Variants in UNC5D observed in about 807,000 individuals in gnomAD.
UNC5D encodes the protein unc-5 netrin receptor D.
UNC5D carries 39 observed loss-of-function variants against 105.4 expected under a neutral mutation model. The ratio of observed to expected loss-of-function variants is 0.37; its 90% CI spans 0.29 to 0.48. The LOEUF (loss-of-function observed/expected upper bound fraction) is 0.48. Among genes scored for constraint, UNC5D ranks in the 20% least tolerant of loss-of-function variants. The probability of loss-of-function intolerance (pLI) is 0.98; values close to 1 mark genes in which losing one functional copy is unlikely to be tolerated. For synonymous variants in UNC5D, 452 were observed against 450.4 expected, an observed-to-expected ratio of 1.00 and a Z score of -0.04; for missense variants, 991 against 1,202.4, an observed-to-expected ratio of 0.82 and a Z score of 2.60.
chr8:35,580,518 CAGG>C (rs1818413065), intron 3 of UNC5D, among the ~76,000 whole-genome samples: 1 of 151,346 alleles, frequency 6.6e-6, no homozygotes, highest in Admixed American at 6.6e-5. Flanking sequence ...GGGGTGAACA[CAGG>C]AGAAGAATCC....
intron 1 of UNC5D, among the ~76,000 whole-genome samples, chr8:35,402,674 C>T (rs1804548835): frequency 6.6e-6 from 1 of 152,140 alleles, no homozygotes; most frequent in Non-Finnish European, 1.5e-5. Flanking sequence ...GGCTTCTCAT[C>T]CTGGCCTCCA....
At chr8:35,537,006 A>AAAAC (rs112777945) in intron 1 of UNC5D, among the ~76,000 whole-genome samples, 21,798 of 151,970 alleles carry the variant, frequency 0.14, 1,938 homozygotes, top group East Asian at 0.27. Context: ...TAAACAAAAC[A>AAAAC]AAACAAACAA....
At chr8:35,253,474 T>A (rs1285663625) in intron 1 of UNC5D, among the ~76,000 whole-genome samples, 1 of 25,488 alleles carries the variant, frequency 3.9e-5, no homozygotes, top group Non-Finnish European at 2.3e-4. Context: ...TTTTATTTCC[T>A]TTTTTTTTTT....
chr8:35,347,125 C>T (rs1811859777), intron 1 of UNC5D, among the ~76,000 whole-genome samples: 1 of 151,960 alleles, frequency 6.6e-6, no homozygotes. Context: ...TGGAAAATGG[C>T]CTTTGAGTCT....
At chr8:35,295,904 T>C (rs887751756) in intron 1 of UNC5D, among the ~76,000 whole-genome samples, 1 of 152,212 alleles carries the variant, frequency 6.6e-6, no homozygotes, top group Non-Finnish European at 1.5e-5. Flanking sequence ...AGATTCTACA[T>C]GTAAGTAGGA....
chr8:35,378,716 T>G (rs2204719), intron 1 of UNC5D, among the ~76,000 whole-genome samples: 80,699 of 151,954 alleles, frequency 0.53, 22,170 homozygotes, highest in East Asian at 0.7. Context: ...TTACTATATT[T>G]GCCAGTGGAA....
chr8:35,378,602 C>T (rs1015470103), intron 1 of UNC5D, among the ~76,000 whole-genome samples: 1 of 152,198 alleles, frequency 6.6e-6, no homozygotes, highest in African/African-American at 2.4e-5. Flanking sequence ...TTGGCTGCAC[C>T]TGCCTGATCT....
At chr8:35,239,495 C>CTT (rs5890797) in intron 1 of UNC5D, among the ~76,000 whole-genome samples, 5,147 of 146,966 alleles carry the variant, frequency 0.035, 262 homozygotes, top group African/African-American at 0.11. Flanking sequence ...TTCCCTTCTG[C>CTT]TTTTTTTTTT....
chr8:35,328,762 G>A lies in UNC5D; in HGVS notation c.103+92875G>A, dbSNP rs950961612. 5.9e-5 allele frequency among the ~76,000 whole-genome samples: 9 copies of A among 152,234 alleles called. No homozygotes were observed. In the South Asian group the frequency reaches 6.2e-4, roughly 11 times the overall value. On this transcript the variant is annotated intron_variant, in intron 1 of 16. Transcript: ENST00000404895. Reference sequence around the variant, plus strand: ...GCTTCTTCCAAGGCAGTCAGTCCGCGTCAGGAGCTGCATTTACTCTTGGAG... The same window carrying A: ...GCTTCTTCCAAGGCAGTCAGTCCGCATCAGGAGCTGCATTTACTCTTGGAG...
chr8:35,240,319 G>A (rs929595559), intron 1 of UNC5D, among the ~76,000 whole-genome samples: 2 of 152,012 alleles, frequency 1.3e-5, no homozygotes, highest in African/African-American at 4.8e-5. Flanking sequence ...CACTCTTTTT[G>A]TATTGTACCT....
In UNC5D at chr8:35,773,016, T is replaced by G. The variant is rs576444670; in HGVS notation, c.2479-1283T>G. ...AGAAAAGGTACCTCCAGAAAAGACC[T>G]ATCTCTTCTCATTTGAGGACCACCT... On this transcript the variant is annotated intron_variant, in intron 15 of 16. Coordinates refer to ENST00000404895, the MANE Select transcript of UNC5D (RefSeq NM_080872.4). 2.6e-5 allele frequency among the ~76,000 whole-genome samples: 4 copies of G among 152,218 alleles called. No individual in the cohort carries two copies. The East Asian group carries it at 5.8e-4, about 22-fold the overall frequency.
chr8:35,724,505 C>T lies in UNC5D; in HGVS notation c.1304-1647C>T, dbSNP rs1029752710. On this transcript the variant is annotated intron_variant, in intron 9 of 16. Transcript: ENST00000404895. ...CCAAAGAGAAGACTGGGGTGACCAG[C>T]GGTGGGTGACTGTCGCTGGTCAGAC... is the stretch of plus-strand genomic sequence containing the variant. Among the ~76,000 whole-genome samples, 8 of 152,236 alleles carry T rather than the reference C, an allele frequency of 5.3e-5. No homozygotes were observed. In the South Asian group the frequency reaches 6.2e-4, roughly 12 times the overall value.
chr8:35,762,188 C>T (rs1457725069), intron 14 of UNC5D, among the ~76,000 whole-genome samples: 1 of 152,092 alleles, frequency 6.6e-6, no homozygotes, highest in Admixed American at 6.5e-5. Flanking sequence ...AAGGTACAAG[C>T]TAGGGAGGTA....
chr8:35,521,049 A>G (rs2130448596), intron 1 of UNC5D, among the ~76,000 whole-genome samples: 1 of 152,284 alleles, frequency 6.6e-6, no homozygotes, highest in African/African-American at 2.4e-5. Context: ...ACTGCTAGGG[A>G]TAGACAAAGG....
chr8:35,512,541 A>ATGTATG, intron 1 of UNC5D, among the ~76,000 whole-genome samples: 1 of 56,384 alleles, frequency 1.8e-5, no homozygotes, highest in African/African-American at 1.4e-4. Flanking sequence ...ATATGTATGT[A>ATGTATG]TATATATATA....
chr8:35,528,203 C>T (rs866997731), intron 1 of UNC5D, among the ~76,000 whole-genome samples: 2 of 151,426 alleles, frequency 1.3e-5, no homozygotes, highest in Admixed American at 6.6e-5. Flanking sequence ...CCGCTCCCCC[C>T]ACCCCACCAC....
chr8:35,328,224 A>G (rs1353489545), intron 1 of UNC5D, among the ~76,000 whole-genome samples: 2 of 48,788 alleles, frequency 4.1e-5, no homozygotes, highest in Admixed American at 3.1e-4. Flanking sequence ...GATTTACTTT[A>G]TTTTATTTAT....
At chr8:35,612,201 T>C (rs1428704441) in intron 4 of UNC5D, among the ~76,000 whole-genome samples, 1 of 152,050 alleles carries the variant, frequency 6.6e-6, no homozygotes, top group African/African-American at 2.4e-5. Flanking sequence ...CACCAAAGAG[T>C]CAAGATAATG....
intron 4 of UNC5D, among the ~76,000 whole-genome samples, chr8:35,599,618 G>C (rs907557377): frequency 6.6e-6 from 1 of 152,066 alleles, no homozygotes; most frequent in African/African-American, 2.4e-5. Context: ...CCCAGGGTTA[G>C]CCCTACACAA....
Sources: gnomAD v4.1 joint callset for allele counts (sites outside exome capture counted in the v4.1 genomes callset) on GRCh38, gnomAD v4.1.1 for gene constraint, MANE v1.5 for transcripts, NCBI Gene and HGNC (gene_info 2026-07-23, HGNC 2026-07-21) for gene names.